The following UROC1 variants were observed in gnomAD, a reference collection of about 807,000 sequenced individuals.
UROC1 encodes urocanate hydratase 1, also known as urocanate hydratase.
In UROC1, 79 loss-of-function variants were observed where a neutral mutation model predicts 89.5. The ratio of observed to expected loss-of-function variants is 0.88; its 90% CI spans 0.74 to 1.06. The LOEUF is 1.06. UROC1 is among the 50% of genes least tolerant of loss of function. UROC1 has a pLI of 0.00. For synonymous variants in UROC1, 361 were observed against 354.8 expected (o/e 1.02, Z -0.20); for missense variants, 885 against 907.8 (o/e 0.97, Z 0.32).
chr3:126,505,644 G>GGAGA (rs1284089271), intron 8 of UROC1, 57 bp downstream of exon 8: 8 of 1,601,616 alleles, frequency 5.0e-6, no homozygotes, highest in Non-Finnish European at 6.0e-6. Context: ...AAGAAGGGAG[G>GGAGA]GAGGGAGGGA....
Position 126,500,699 on chromosome 3 carries a change from C to G in UROC1, c.1141G>C (p.Glu381Gln). The part of the protein sequence containing the change: ...NPAVFKDLVQ[E>Q]SLRRQVSAIN... ...ACCCCCAACTCCAAGTAGCACCTTT[C>G]CTGGACCAGGTCCTTGAACACAGCA... is the stretch of plus-strand genomic sequence containing the variant. The change falls in exon 11 of 20, where the codon GAA (glutamate) becomes CAA (glutamine). Residue 381 changes from glutamate to glutamine, a missense_variant. By Grantham distance (29) the Glu-to-Gln change is conservative. Transcript: ENST00000290868. 4 of 1,614,142 alleles carry G rather than the reference C, an allele frequency of 2.5e-6. No individual in the cohort carries two copies. The South Asian group carries it at 4.4e-5, about 18-fold the overall frequency.
At chr3:126,488,073 G>T in intron 18 of UROC1, 125 bp downstream of exon 18, 1 of 1,021,676 alleles carries the variant, frequency 9.8e-7, no homozygotes, top group Non-Finnish European at 1.6e-6. Context: ...CCACAAAGGT[G>T]AGGGCAGGGG....
intron 18 of UROC1, 121 bp from the exon 19 acceptor site, chr3:126,483,589 G>A (rs904404274): frequency 9.0e-6 from 8 of 885,830 alleles, no homozygotes; most frequent in South Asian, 2.9e-5. Flanking sequence ...CCGCCACACC[G>A]CCAGCCTCTG....
At chr3:126,490,449 G>A (rs1221111591) in intron 16 of UROC1, among the ~76,000 whole-genome samples, 1 of 152,186 alleles carries the variant, frequency 6.6e-6, no homozygotes, top group Admixed American at 6.5e-5. Context: ...CACTTCGGGA[G>A]GCCAAGGCAG....
intron 18 of UROC1, 76 bp downstream of exon 18, chr3:126,488,122 T>G (rs1935557312): frequency 2.0e-6 from 3 of 1,535,266 alleles, no homozygotes; most frequent in South Asian, 2.2e-5. Context: ...TTCAGGAACC[T>G]CAGCCTGGCC....
At chr3:126,501,447 C>A in intron 9 of UROC1, 167 bp from the exon 10 acceptor site, 1 of 778,994 alleles carries the variant, frequency 1.3e-6, no homozygotes, top group Non-Finnish European at 2.1e-6. Flanking sequence ...CCTGCAGGAC[C>A]CCGACTTTTG....
intron 16 of UROC1, among the ~76,000 whole-genome samples, chr3:126,490,510 A>G (rs1427661108): frequency 3.3e-5 from 5 of 152,076 alleles, no homozygotes; most frequent in Non-Finnish European, 7.4e-5. Flanking sequence ...ACATGGCAAA[A>G]CCCGTCTCCA....
At chr3:126,508,288 G>T in intron 4 of UROC1, 128 bp downstream of exon 4, 3 of 1,365,618 alleles carry the variant, frequency 2.2e-6, no homozygotes, top group Non-Finnish European at 3.1e-6. Flanking sequence ...AATCTCCAAT[G>T]CTGGAGCCTC....
chr3:126,482,337 T>C lies in UROC1; in HGVS notation c.*8A>G. 8.1e-6 allele frequency: 13 copies of C among 1,611,838 alleles called. No homozygotes were observed. Among genetic ancestry groups the C allele is most frequent in the Non-Finnish European group, 1.1e-5 (13 of 1,179,156 alleles). On this transcript the variant is annotated 3_prime_UTR_variant, in exon 20 of 20. Coordinates refer to ENST00000290868, the MANE Select transcript of UROC1 (RefSeq NM_144639.3). ...GAAGGGAGGCAGGGGCCGCGACTCC[T>C]GGCTCCCTCAGAGCTGCAGGGCCTG...
intron 4 of UROC1, 149 bp downstream of exon 4, chr3:126,508,267 T>C: frequency 7.2e-7 from 1 of 1,389,156 alleles, no homozygotes; most frequent in Non-Finnish European, 1.0e-6. Context: ...TAACCTGAAA[T>C]TTCCCCACAC....
At position 126,501,271 on chromosome 3, in the gene UROC1, C is replaced by G. The variant is rs267599594; in HGVS notation, c.912G>C (p.Arg304Ser). Residue 304 changes from arginine to serine, a missense_variant, in exon 10 of 20, where the codon AGG becomes AGC. By Grantham distance (110) the Arg-to-Ser change is moderately radical. Transcript: ENST00000290868. ...DRCIQRLREA[R>S]KKKEVLSLGY... is the part of the protein sequence containing the mutation. ...CAAGGCTGAGCACCTCCTTTTTTTT[C>G]CTTGCTTCCCTGGAAGGACACAAAA... The G allele has an allele frequency of 4.3e-6, 7 of 1,613,962 alleles. No individual in the cohort carries two copies. Among genetic ancestry groups the G allele is most frequent in the Non-Finnish European group, 4.2e-6 (5 of 1,179,952 alleles).
intron 17 of UROC1, 90 bp downstream of exon 17, chr3:126,489,186 C>CT (rs1935587024): frequency 1.5e-6 from 2 of 1,306,112 alleles, no homozygotes; most frequent in Non-Finnish European, 2.2e-6. Context: ...GCCAGAACAT[C>CT]TTTCGAAACA....
chr3:126,488,144 G>A, intron 18 of UROC1, 54 bp downstream of exon 18: 2 of 1,602,714 alleles, frequency 1.2e-6, no homozygotes, highest in Non-Finnish European at 1.7e-6. Context: ...TGCCCCAAAG[G>A]AACCCCCAAA....
At chr3:126,495,652 T>G (rs1344412726) in intron 15 of UROC1, among the ~76,000 whole-genome samples, 3 of 152,218 alleles carry the variant, frequency 2.0e-5, no homozygotes, top group Admixed American at 2.0e-4. Context: ...TCCAATTTTT[T>G]GGGCTACACA....
intron 2 of UROC1, among the ~76,000 whole-genome samples, 179 bp from the exon 3 acceptor site, chr3:126,509,857 G>T (rs1197212211): frequency 6.6e-6 from 1 of 152,186 alleles, no homozygotes; most frequent in Non-Finnish European, 1.5e-5. Flanking sequence ...TGGCGTTCAG[G>T]CCCCAACCCA....
intron 18 of UROC1, among the ~76,000 whole-genome samples, chr3:126,487,491 T>C (rs1576710320): frequency 6.6e-6 from 1 of 152,208 alleles, no homozygotes; most frequent in African/African-American, 2.4e-5. Context: ...GTCGGAATGC[T>C]CCACCGGGAC....
intron 15 of UROC1, 65 bp from the exon 16 acceptor site, chr3:126,492,581 A>G (rs1935680648): frequency 3.8e-6 from 5 of 1,321,650 alleles, no homozygotes; most frequent in Non-Finnish European, 5.3e-6. Flanking sequence ...CCTGGGGTGC[A>G]GGGAGACACG....
At chr3:126,498,016 C>T (rs1453363653) in intron 14 of UROC1, 35 bp downstream of exon 14, 2 of 1,613,474 alleles carry the variant, frequency 1.2e-6, no homozygotes, top group Non-Finnish European at 1.7e-6. Context: ...TTGGGGGGGC[C>T]ACCCACCCAT....
At chr3:126,488,392 G>T in intron 17 of UROC1, 113 bp from the exon 18 acceptor site, 1 of 1,163,814 alleles carries the variant, frequency 8.6e-7, no homozygotes. Flanking sequence ...AGGATGGGGC[G>T]GCAACTAGGC....
Sources: allele counts gnomAD v4.1 joint callset (sites outside exome capture counted in the v4.1 genomes callset), GRCh38; gene constraint gnomAD v4.1.1; transcripts MANE v1.5; gene names NCBI Gene and HGNC (gene_info 2026-07-23, HGNC 2026-07-21).